NEXMIF: variants seen among roughly 807,000 people sequenced by gnomAD.
NEXMIF encodes the protein XLMR protein related to neurite extension.
In NEXMIF, 8 loss-of-function variants were observed where a neutral mutation model predicts 62.1. That is an observed-to-expected ratio of 0.13 (90% CI 0.08 to 0.23). The LOEUF is 0.23. Ranked by LOEUF, NEXMIF falls within the 10% of genes least tolerant of loss-of-function variation. The pLI is 1.00. For synonymous variants in NEXMIF, 404 were observed against 416.6 expected (o/e 0.97, Z 0.37); for missense variants, 976 against 1,113.3 (o/e 0.88, Z 1.75).
chrX:74,819,447 G>GCT (rs1031331885), intron 1 of NEXMIF, among the ~76,000 whole-genome samples: 14 of 111,826 alleles, frequency 1.3e-4, no homozygotes, highest in African/African-American at 4.2e-4. Flanking sequence ...CTGACAAAGG[G>GCT]CTGATATCCA....
At chrX:74,876,019 T>C (rs922905608) in intron 1 of NEXMIF, among the ~76,000 whole-genome samples, 2 of 111,648 alleles carry the variant, frequency 1.8e-5, no homozygotes, top group African/African-American at 3.3e-5. Context: ...ATTTTCATTA[T>C]TTCTTGCCTT....
At chrX:74,795,423 A>G (rs755874505) in intron 1 of NEXMIF, among the ~76,000 whole-genome samples, 36 of 112,506 alleles carry the variant, frequency 3.2e-4, no homozygotes, top group African/African-American at 1.0e-3. Context: ...GCTAGGAGAC[A>G]GAAGCCATAC....
At chrX:74,917,925 G>A (rs796117457) in intron 1 of NEXMIF, among the ~76,000 whole-genome samples, 11 of 111,718 alleles carry the variant, frequency 9.8e-5, no homozygotes, top group Non-Finnish European at 1.1e-4. Flanking sequence ...TAGTCTTGAC[G>A]TTTTTGGTGA....
At chrX:74,840,935 T>C (rs965243509) in intron 1 of NEXMIF, among the ~76,000 whole-genome samples, 1 of 112,101 alleles carries the variant, frequency 8.9e-6, no homozygotes, top group Non-Finnish European at 1.9e-5. Flanking sequence ...GGTTTGTTCT[T>C]CTTGCTTAGT....
Position 74,881,619 on chromosome X carries a change from C to A in NEXMIF, c.-48+43264G>T, listed in dbSNP as rs1350254766. On this transcript the variant is annotated intron_variant, in intron 1 of 3. Transcript: ENST00000055682. ...GTTTGGAAGCATCTGTGTCCTCTAC[C>A]CATTAGAAGCCAGTAGCACCCCCCA... 2.2e-4 allele frequency among the ~76,000 whole-genome samples: 25 copies of A among 111,463 alleles called. No homozygotes were observed. In the Admixed American group the frequency reaches 2.4e-3, roughly 11 times the overall value.
At position 74,739,352 on chromosome X, in the gene NEXMIF, C is replaced by T; in HGVS notation, c.*53G>A. ...TAAAATTCTTTTCTTTAAGCACTTACATGTCAACATACATACCACAAGGCA... is the reference window on the plus strand; with the variant it reads ...TAAAATTCTTTTCTTTAAGCACTTATATGTCAACATACATACCACAAGGCA... On this transcript the variant is annotated 3_prime_UTR_variant, in exon 4 of 4. Transcript: ENST00000055682. 2.3e-6 allele frequency: 2 copies of T among 851,310 alleles called. No homozygotes were observed. Among genetic ancestry groups the T allele is most frequent in the South Asian group, 5.1e-5 (2 of 39,307 alleles). The allele number at this position is 851,310 out of a possible 1,213,427, so 70.2% of individuals were successfully genotyped here.
chrX:74,802,102 C>A (rs1453258190), intron 1 of NEXMIF, among the ~76,000 whole-genome samples: 1 of 112,260 alleles, frequency 8.9e-6, no homozygotes, highest in Non-Finnish European at 1.9e-5. Context: ...ACCTGTACAG[C>A]ACCTCTGGAC....
intron 1 of NEXMIF, among the ~76,000 whole-genome samples, chrX:74,750,302 C>A: frequency 8.9e-6 from 1 of 111,765 alleles, no homozygotes; most frequent in East Asian, 2.8e-4. Flanking sequence ...TAATAGATGA[C>A]TGTGAAAGAA....
intron 1 of NEXMIF, among the ~76,000 whole-genome samples, chrX:74,747,363 T>A (rs779937326): frequency 9.0e-6 from 1 of 111,032 alleles, no homozygotes; most frequent in African/African-American, 3.3e-5. Flanking sequence ...CAATGAGAGA[T>A]CTATGAAAAA....
At position 74,740,879 on chromosome X, in the gene NEXMIF, C is replaced by A. The variant is rs754483203; in HGVS notation, c.3678G>T (p.Gly1226=). The change falls in exon 3 of 4, where the codon GGG becomes GGT. Residue 1226 remains glycine, a synonymous_variant. Coordinates refer to ENST00000055682, the MANE Select transcript of NEXMIF (RefSeq NM_001008537.3). ...CTCCATTGATGGCAGCCATGTATTT[C>A]CCTTTCTTTGTGGACTTAGGGACCT... ...SRQVPKSTKK[G]KYMAAINGEK... 3.3e-6 allele frequency: 4 copies of A among 1,211,986 alleles called. No individual in the cohort carries two copies. The highest frequency in any genetic ancestry group is 4.5e-6 in the Non-Finnish European group (4 of 895,516).
intron 1 of NEXMIF, among the ~76,000 whole-genome samples, chrX:74,877,753 A>G (rs1300246025): frequency 3.6e-5 from 4 of 110,948 alleles, no homozygotes; most frequent in Non-Finnish European, 7.6e-5. Flanking sequence ...ATCTTCCATC[A>G]CTGATACCGT....
At chrX:74,883,189 A>T (rs961621729) in intron 1 of NEXMIF, among the ~76,000 whole-genome samples, 14 of 111,669 alleles carry the variant, frequency 1.3e-4, no homozygotes, top group South Asian at 7.6e-4. Context: ...AACCACAAAG[A>T]TAGGGAAAAA....
chrX:74,908,834 T>C (rs1189937029), intron 1 of NEXMIF, among the ~76,000 whole-genome samples: 1 of 111,968 alleles, frequency 8.9e-6, no homozygotes, highest in Non-Finnish European at 1.9e-5. Context: ...ATTTGAATCA[T>C]GGGGGCAGTT....
chrX:74,882,253 A>T (rs1328468753), intron 1 of NEXMIF, among the ~76,000 whole-genome samples: 2 of 111,697 alleles, frequency 1.8e-5, no homozygotes, highest in African/African-American at 6.5e-5. Context: ...TGCATTTCCA[A>T]CTGAGGTAAC....
At chrX:74,803,583 T>A (rs1487347666) in intron 1 of NEXMIF, among the ~76,000 whole-genome samples, 90 of 107,753 alleles carry the variant, frequency 8.4e-4, no homozygotes, top group African/African-American at 2.9e-3. Context: ...AATAAATAAA[T>A]AAATAAATAA....
Position 74,734,674 on chromosome X carries a change from C to G in NEXMIF, c.*4731G>C, listed in dbSNP as rs776209829. 7 of 111,921 alleles carry G rather than the reference C, an allele frequency of 6.3e-5. No homozygotes were observed. The highest frequency in any genetic ancestry group is 2.3e-4 in the African/African-American group (7 of 30,725). 9.2% of individuals were successfully genotyped at this position (111,921 alleles called of 1,213,427 possible). ...ACTGATTTTGAAAGCCTCATTCACACCATAAACTTTGTTCTAAACCTCTGT... is the reference window on the plus strand; with the variant it reads ...ACTGATTTTGAAAGCCTCATTCACAGCATAAACTTTGTTCTAAACCTCTGT... On this transcript the variant is annotated 3_prime_UTR_variant, in exon 4 of 4. Transcript: ENST00000055682.
chrX:74,904,530 A>G (rs1012432877), intron 1 of NEXMIF, among the ~76,000 whole-genome samples: 1 of 112,096 alleles, frequency 8.9e-6, no homozygotes, highest in East Asian at 2.8e-4. Flanking sequence ...AAAGCAAGAT[A>G]GGGTACAATC....
At chrX:74,922,372 A>C (rs1376661226) in intron 1 of NEXMIF, among the ~76,000 whole-genome samples, 2 of 110,344 alleles carry the variant, frequency 1.8e-5, no homozygotes, top group Non-Finnish European at 3.8e-5. Context: ...GTGTGTGTGA[A>C]AAAGCACTGA....
intron 1 of NEXMIF, among the ~76,000 whole-genome samples, chrX:74,823,438 C>G (rs763694424): frequency 9.0e-6 from 1 of 111,545 alleles, no homozygotes; most frequent in Non-Finnish European, 1.9e-5. Flanking sequence ...GACTGAGGAA[C>G]TATTCTGAGT....
Sources: allele counts gnomAD v4.1 joint callset (sites outside exome capture counted in the v4.1 genomes callset), GRCh38; gene constraint gnomAD v4.1.1; transcripts MANE v1.5; gene names NCBI Gene and HGNC (gene_info 2026-07-23, HGNC 2026-07-21).